XPO1: variants seen among roughly 807,000 people sequenced by gnomAD.
XPO1 encodes exportin-1.
XPO1 carries 5 observed loss-of-function variants against 133.3 expected under a neutral mutation model. The observed-to-expected ratio is 0.04, with a 90% CI of 0.02 to 0.08. The LOEUF (loss-of-function observed/expected upper bound fraction) is 0.08, where lower values mean the gene tolerates loss of function less well. Among genes scored for constraint, XPO1 ranks in the 10% least tolerant of loss-of-function variants. The pLI, the probability that XPO1 is intolerant of heterozygous loss-of-function variation, is 1.00. For missense variants in XPO1, 506 were observed against 1,267.5 expected, an observed-to-expected ratio of 0.40 and a Z score of 9.12; for synonymous variants, 419 against 408.2, an observed-to-expected ratio of 1.03 and a Z score of -0.32.
chr2:61,523,795 A>C (rs1198137185), intron 3 of XPO1, among the ~76,000 whole-genome samples: 3 of 152,192 alleles, frequency 2.0e-5, no homozygotes, highest in South Asian at 2.1e-4. Flanking sequence ...CATTGTGCTC[A>C]AACAGTGAAT....
intron 9 of XPO1, 76 bp from the exon 10 acceptor site, chr2:61,497,083 G>GA (rs1697274939): frequency 6.6e-7 from 1 of 1,516,798 alleles, no homozygotes; most frequent in Non-Finnish European, 8.8e-7. Flanking sequence ...CAATTAAAAG[G>GA]AAAAAGGCTT....
rs1203993709 is a variant in XPO1 at position 61,481,264 on chromosome 2, AAG to A, written c.2988_2989del (p.Phe997CysfsTer31). 1 of 1,610,692 alleles carries A rather than the reference AAG, an allele frequency of 6.2e-7. No homozygotes were observed. The highest frequency in any genetic ancestry group is 1.3e-5 in the African/African-American group (1 of 74,702). On this transcript the variant is annotated frameshift_variant, in exon 24 of 25. Transcript: ENST00000401558. LOFTEE classifies it high-confidence loss of function. ...ATTTAAGCTGAAAAGCCCTGTCACAAAGAGCTTTACTTGAGCACTGCAAATCA... is the reference window on the plus strand; with the variant it reads ...ATTTAAGCTGAAAAGCCCTGTCACAAAGCTTTACTTGAGCACTGCAAATCA...
intron 4 of XPO1, among the ~76,000 whole-genome samples, chr2:61,517,141 T>G (rs1188548710): frequency 6.6e-6 from 1 of 152,126 alleles, no homozygotes; most frequent in Non-Finnish European, 1.5e-5. Flanking sequence ...CCTCAGGTGA[T>G]CTGCCCACCT....
intron 4 of XPO1, among the ~76,000 whole-genome samples, chr2:61,515,341 T>C (rs1197192456): frequency 6.6e-6 from 1 of 152,168 alleles, no homozygotes; most frequent in African/African-American, 2.4e-5. Context: ...CTACAGGAGA[T>C]CTTCAGCAGA....
chr2:61,502,584 C>A, intron 4 of XPO1: 1 of 275,392 alleles, frequency 3.6e-6, no homozygotes, highest in Non-Finnish European at 7.0e-6. Flanking sequence ...GAAACCCTGT[C>A]TCTACTAAAA....
At chr2:61,485,733 G>C (rs370141436) in intron 20 of XPO1, 35 bp downstream of exon 20, 2 of 1,545,744 alleles carry the variant, frequency 1.3e-6, no homozygotes, top group African/African-American at 2.7e-5. Context: ...CTATCCTGCA[G>C]AATTTCCCCC....
chr2:61,512,752 A>G (rs912925174), intron 4 of XPO1, among the ~76,000 whole-genome samples: 2 of 152,278 alleles, frequency 1.3e-5, no homozygotes, highest in East Asian at 1.9e-4. Context: ...TTTAGAAACA[A>G]AGTTGGGGAG....
intron 2 of XPO1, among the ~76,000 whole-genome samples, chr2:61,530,753 CT>C (rs1304326545): frequency 6.7e-6 from 1 of 149,954 alleles, no homozygotes; most frequent in East Asian, 1.9e-4. Flanking sequence ...CTACCTACAG[CT>C]TTTTTTCCCA....
intron 19 of XPO1, among the ~76,000 whole-genome samples, chr2:61,486,754 A>C (rs937591113): frequency 6.6e-6 from 1 of 152,132 alleles, no homozygotes; most frequent in African/African-American, 2.4e-5. Context: ...GAGTATTTTC[A>C]CAAGCAGAAA....
At chr2:61,494,192 T>C (rs1697129022) in intron 11 of XPO1, 101 bp from the exon 12 acceptor site, 1 of 1,103,912 alleles carries the variant, frequency 9.1e-7, no homozygotes, top group African/African-American at 1.6e-5. Context: ...AATTCATGTT[T>C]TATTCATCAC....
chr2:61,496,943 C>T lies in XPO1; in HGVS notation c.824G>A (p.Ser275Asn). Residue 275 changes from serine to asparagine, a missense_variant, in exon 10 of 25, where the codon AGT (serine) becomes AAT (asparagine). This residue lies in a region of XPO1 where 134 missense variants were observed against 261.6 expected (regional missense o/e 0.51). Transcript: ENST00000401558. Reference sequence around the variant, plus strand: ...AAATTGTTCTTCATATTGGCTTACACTCACACCAGCAATCTCAGTGAGGCA... The same window carrying T: ...AAATTGTTCTTCATATTGGCTTACATTCACACCAGCAATCTCAGTGAGGCA... ...LKCLTEIAGV[S>N]VSQYEEQFVT... is the part of the protein sequence containing the mutation. 1 of 1,613,526 alleles carries T rather than the reference C, an allele frequency of 6.2e-7. No homozygotes were observed. Among genetic ancestry groups the T allele is most frequent in the Non-Finnish European group, 8.5e-7 (1 of 1,179,836 alleles).
chr2:61,478,771 T>C lies in XPO1; in HGVS notation c.*49A>G. On this transcript the variant is annotated 3_prime_UTR_variant, in exon 25 of 25. Coordinates refer to ENST00000401558, the MANE Select transcript of XPO1 (RefSeq NM_003400.4). ...GGTCGACAAATACCCACATGCTGTT[T>C]TCCTCTGCTAACGAGTTGCAGAGAA... The C allele has an allele frequency of 6.3e-7, 1 of 1,594,770 alleles. No individual in the cohort carries two copies. The highest frequency in any genetic ancestry group is 8.5e-7 in the Non-Finnish European group (1 of 1,169,722).
At chr2:61,486,445 G>C (rs6705235) in intron 19 of XPO1, among the ~76,000 whole-genome samples, 97,157 of 151,504 alleles carry the variant, frequency 0.64, 31,245 homozygotes, top group Middle Eastern at 0.71. Flanking sequence ...ATGGCAGCAA[G>C]CGAGCCCTCA....
In XPO1 at chr2:61,502,781, C is replaced by T. The variant is rs1466477353; in HGVS notation, c.302-471G>A. On this transcript the variant is annotated intron_variant, in intron 4 of 24. Coordinates refer to ENST00000401558, the MANE Select transcript of XPO1 (RefSeq NM_003400.4). ...AAATCAATGAATTTAATGTGCTATT[C>T]ATATTTTTAAAGATGGGATCTGGCA... Among the ~76,000 whole-genome samples the T allele has an allele frequency of 2.6e-5, 4 of 151,602 alleles. No homozygotes were observed. The East Asian group carries it at 7.7e-4, about 29-fold the overall frequency.
intron 2 of XPO1, among the ~76,000 whole-genome samples, chr2:61,528,953 A>C (rs1400058097): frequency 1.3e-5 from 2 of 152,040 alleles, no homozygotes; most frequent in Admixed American, 1.3e-4. Flanking sequence ...AAAAGTTGTA[A>C]GCAAAAAGTT....
At position 61,493,057 on chromosome 2, in the gene XPO1, T is replaced by TA. The variant is rs1198860016; in HGVS notation, c.1246-5dup. ...GACTAACCATTAATAAACGGACCTA[T>TA]ACTCAACAATATATCAATCAAGAAA... On this transcript the variant is annotated splice_region_variant and splice_polypyrimidine_tract_variant and intron_variant, in intron 12 of 24. Transcript: ENST00000401558. 1 of 1,578,662 alleles carries TA rather than the reference T, an allele frequency of 6.3e-7. No homozygotes were observed.
In XPO1 at chr2:61,516,956, T is replaced by C. The variant is rs186514997; in HGVS notation, c.301+5655A>G. On this transcript the variant is annotated intron_variant, in intron 4 of 24. Coordinates refer to ENST00000401558, the MANE Select transcript of XPO1 (RefSeq NM_003400.4). ...TTCACTCTTGTTGCCCAGGCTGGAG[T>C]GCAGTCGTGCTGTCTTGGCTCACTG... is the stretch of plus-strand genomic sequence containing the variant. Among the ~76,000 whole-genome samples, 44 of 152,214 alleles carry C rather than the reference T, an allele frequency of 2.9e-4. No homozygotes were observed. In the East Asian group the frequency reaches 2.9e-3, roughly 10 times the overall value.
At chr2:61,530,023 T>C (rs1173860092) in intron 2 of XPO1, among the ~76,000 whole-genome samples, 1 of 152,252 alleles carries the variant, frequency 6.6e-6, no homozygotes, top group Non-Finnish European at 1.5e-5. Context: ...GCCGAAAGAA[T>C]AATGATGTGG....
At chr2:61,520,474 C>G (rs543647358) in intron 4 of XPO1, among the ~76,000 whole-genome samples, 1 of 151,888 alleles carries the variant, frequency 6.6e-6, no homozygotes, top group East Asian at 1.9e-4. Flanking sequence ...GAGACACCAT[C>G]CCTACAAAAC....
Sources: gnomAD v4.1 joint callset for allele counts (sites outside exome capture counted in the v4.1 genomes callset) on GRCh38, gnomAD v4.1.1 for gene constraint, gnomAD v4.1.1 regional missense constraint, MANE v1.5 for transcripts, NCBI Gene and HGNC (gene_info 2026-07-23, HGNC 2026-07-21) for gene names.